FRMD3: variants seen among roughly 807,000 people sequenced by gnomAD.
FRMD3 encodes the protein FERM domain containing 3.
Under a neutral mutation model 70.2 loss-of-function variants are expected in FRMD3, and 33 were observed. The ratio of observed to expected loss-of-function variants is 0.47; its 90% CI spans 0.36 to 0.63. FRMD3 has a LOEUF of 0.63. Among genes scored for constraint, FRMD3 ranks in the 20% least tolerant of loss-of-function variants. The pLI, the probability that FRMD3 is intolerant of heterozygous loss-of-function variation, is 0.00. For synonymous variants in FRMD3, 279 were observed against 255.9 expected, an observed-to-expected ratio of 1.09 and a Z score of -0.86; for missense variants, 632 against 711.4, an observed-to-expected ratio of 0.89 and a Z score of 1.27.
At chr9:83,570,344 A>T in the FRMD3 span, among the ~76,000 whole-genome samples, 2 of 152,182 alleles carry the variant, frequency 1.3e-5, no homozygotes, top group African/African-American at 2.4e-5. Flanking sequence ...AGTAAAGATG[A>T]CTGTTGCAAT....
At chr9:83,470,400 A>T (rs1828240756) in intron 1 of FRMD3, among the ~76,000 whole-genome samples, 1 of 152,218 alleles carries the variant, frequency 6.6e-6, no homozygotes, top group Non-Finnish European at 1.5e-5. Flanking sequence ...AACTTATCTG[A>T]GCCTCAGTTA....
At position 83,527,086 on chromosome 9, in the gene FRMD3, C is replaced by T. The variant is rs531871301; in HGVS notation, c.147+10999G>A. Among the ~76,000 whole-genome samples the T allele has an allele frequency of 2.6e-5, 4 of 152,216 alleles. No individual in the cohort carries two copies. The South Asian group carries it at 8.3e-4, about 32-fold the overall frequency. On this transcript the variant is annotated intron_variant, in intron 1 of 13. Transcript: ENST00000304195. ...CTATGCCTCCAGGGGCTTCCAGGCA[C>T]TGCTGGCTTATACACAATGACTTGT...
chr9:83,547,323 A>G, the FRMD3 span, among the ~76,000 whole-genome samples: 1,167 of 147,820 alleles, frequency 7.9e-3, 10 homozygotes, highest in Non-Finnish European at 0.014. Context: ...ATGATTATAT[A>G]ATATTATATA....
chr9:83,542,026 C>T (rs533465456), upstream of FRMD3, among the ~76,000 whole-genome samples: 50 of 152,258 alleles, frequency 3.3e-4, no homozygotes, highest in Non-Finnish European at 6.2e-4. Context: ...AATCCTCCTG[C>T]TTGAGCCTCC....
At chr9:83,424,950 C>T (rs114749567) in intron 1 of FRMD3, among the ~76,000 whole-genome samples, 1,825 of 152,290 alleles carry the variant, frequency 0.012, 49 homozygotes, top group African/African-American at 0.042. Context: ...CGCTACTGCT[C>T]CAACTAGTAT....
intron 1 of FRMD3, among the ~76,000 whole-genome samples, chr9:83,429,424 C>T (rs1400605333): frequency 1.3e-5 from 2 of 152,116 alleles, no homozygotes; most frequent in African/African-American, 4.8e-5. Flanking sequence ...TCCCTTTGAT[C>T]TTTTTCCTCA....
At chr9:83,513,619 T>C (rs1829387771) in intron 1 of FRMD3, among the ~76,000 whole-genome samples, 1 of 152,230 alleles carries the variant, frequency 6.6e-6, no homozygotes, top group African/African-American at 2.4e-5. Context: ...CAAAGTCATA[T>C]AATAATGCCT....
At chr9:83,400,108 A>C (rs1825912065) in intron 1 of FRMD3, among the ~76,000 whole-genome samples, 1 of 152,184 alleles carries the variant, frequency 6.6e-6, no homozygotes. Context: ...TCTGCAGATG[A>C]CATCAGATGT....
At chr9:83,472,817 T>C (rs974404928) in intron 1 of FRMD3, among the ~76,000 whole-genome samples, 16 of 152,200 alleles carry the variant, frequency 1.1e-4, no homozygotes, top group Admixed American at 3.3e-4. Context: ...ATATAAAATA[T>C]CTTTTTCGAT....
chr9:83,322,166 C>G (rs1477573120), intron 6 of FRMD3, among the ~76,000 whole-genome samples: 1 of 151,818 alleles, frequency 6.6e-6, no homozygotes, highest in African/African-American at 2.4e-5. Context: ...ACTCACATCT[C>G]AGTCTCACAG....
chr9:83,547,554 C>G, the FRMD3 span, among the ~76,000 whole-genome samples: 11 of 151,794 alleles, frequency 7.2e-5, no homozygotes, highest in African/African-American at 2.7e-4. Context: ...ATTACTAGAC[C>G]TAAGAAAAGA....
chr9:83,538,719 C>A (rs978312603), upstream of FRMD3, among the ~76,000 whole-genome samples: 2 of 152,224 alleles, frequency 1.3e-5, no homozygotes, highest in African/African-American at 4.8e-5. The surrounding 1 kb of genome is among the most constrained non-coding windows in gnomAD (Gnocchi z 4.7). Context: ...TGGCCGCTGT[C>A]GCTCGGGCTC....
At chr9:83,539,601 A>C (rs1029688773), upstream of FRMD3, among the ~76,000 whole-genome samples, 10 of 152,094 alleles carry the variant, frequency 6.6e-5, no homozygotes, top group African/African-American at 2.4e-4. Context: ...GTGGCACACA[A>C]ATTTTACCTG....
At chr9:83,461,530 T>C (rs1215149616) in intron 1 of FRMD3, among the ~76,000 whole-genome samples, 1 of 152,042 alleles carries the variant, frequency 6.6e-6, no homozygotes, top group Non-Finnish European at 1.5e-5. Flanking sequence ...GACATTTGGC[T>C]GAGTCCTAAA....
chr9:83,479,801 A>G (rs1587451095), intron 1 of FRMD3, among the ~76,000 whole-genome samples: 2 of 140,510 alleles, frequency 1.4e-5, no homozygotes, highest in African/African-American at 5.7e-5. Context: ...GAAGGAAGGA[A>G]GGAAGGAAGG....
At position 83,244,669 on chromosome 9, in the gene FRMD3, A is replaced by G; in HGVS notation, c.*3249T>C. ...TAGGGATTCCTGCCACCATATTAAC[A>G]TATAAAACAATCTGGATGTTGACAT... is the stretch of plus-strand genomic sequence containing the variant. On this transcript the variant is annotated 3_prime_UTR_variant, in exon 14 of 14. Transcript: ENST00000304195. 2.0e-6 allele frequency: 2 copies of G among 985,192 alleles called. No homozygotes were observed. The highest frequency in any genetic ancestry group is 2.4e-6 in the Non-Finnish European group (2 of 829,720). The allele number at this position is 985,192 out of a possible 1,614,324, so 61.0% of individuals were successfully genotyped here.
At chr9:83,560,785 C>T in the FRMD3 span, among the ~76,000 whole-genome samples, 4 of 152,282 alleles carry the variant, frequency 2.6e-5, no homozygotes, top group Admixed American at 6.5e-5. Context: ...ATTAATGTGC[C>T]TCTTCTGTCT....
At chr9:83,363,710 T>G (rs538368647) in intron 3 of FRMD3, among the ~76,000 whole-genome samples, 1 of 151,952 alleles carries the variant, frequency 6.6e-6, no homozygotes, top group African/African-American at 2.4e-5. Context: ...GCCCGCCACC[T>G]CGCCCGGCTA....
chr9:83,585,199 C>T, the FRMD3 span, among the ~76,000 whole-genome samples: 1 of 152,034 alleles, frequency 6.6e-6, no homozygotes, highest in African/African-American at 2.4e-5. Flanking sequence ...TGCAGGATGC[C>T]ACCGCCAGAG....
Sources: gnomAD v4.1 joint callset for allele counts (sites outside exome capture counted in the v4.1 genomes callset) on GRCh38, gnomAD v4.1.1 for gene constraint, Gnocchi (gnomAD v3.1) non-coding constraint, MANE v1.5 for transcripts, NCBI Gene and HGNC (gene_info 2026-07-23, HGNC 2026-07-21) for gene names.